The following GCFC2 variants were observed in gnomAD, a reference collection of about 807,000 sequenced individuals.
The protein encoded by GCFC2 is intron Large complex component GCFC2.
In GCFC2, 102 loss-of-function variants were observed where a neutral mutation model predicts 99.4. The ratio of observed to expected loss-of-function variants is 1.03; its 90% confidence interval spans 0.87 to 1.21. The LOEUF is 1.21. Among genes scored for constraint, GCFC2 ranks in the 50% most tolerant of loss-of-function variants. The probability of loss-of-function intolerance (pLI) is 0.00; values close to 1 mark genes in which losing one functional copy is unlikely to be tolerated. For synonymous variants in GCFC2, 338 were observed against 316.8 expected, an observed-to-expected ratio of 1.07 and a Z score of -0.71; for missense variants, 973 against 920.9, an observed-to-expected ratio of 1.06 and a Z score of -0.73.
chr2:75,690,595 T>C lies in GCFC2; in HGVS notation c.1226+43A>G, dbSNP rs560953925. The C allele has an allele frequency of 1.9e-4, 169 of 868,926 alleles. 2 individuals are homozygous for C. The South Asian group carries it at 2.0e-3, about 10-fold the overall frequency. 53.8% of individuals were successfully genotyped at this position (868,926 alleles called of 1,614,324 possible). On this transcript the variant is annotated intron_variant, in intron 8 of 16. Coordinates refer to ENST00000321027, the MANE Select transcript of GCFC2 (RefSeq NM_003203.5). ...TTATATTTCAGTAGTGAAAAGTACT[T>C]GCTCAATGATGCTTTCTTTAAATCT...
At chr2:75,667,695 G>A (rs984651171) in intron 15 of GCFC2, among the ~76,000 whole-genome samples, 4 of 152,136 alleles carry the variant, frequency 2.6e-5, no homozygotes, top group Admixed American at 2.6e-4. Context: ...ATTTAACCAT[G>A]TAGCTTTTGC....
intron 1 of GCFC2, among the ~76,000 whole-genome samples, 169 bp from the exon 2 acceptor site, chr2:75,706,820 T>TGATC (rs1680891940): frequency 6.6e-6 from 1 of 152,142 alleles, no homozygotes. Context: ...AGCAACTGAA[T>TGATC]GATCTACTAA....
chr2:75,710,507 C>T (rs994992536), intron 1 of GCFC2, 84 bp downstream of exon 1: 2 of 1,402,424 alleles, frequency 1.4e-6, no homozygotes, highest in Non-Finnish European at 1.8e-6. Flanking sequence ...AGTTATAGAA[C>T]CCCCAGAGAA....
chr2:75,688,953 C>A (rs760990202), intron 10 of GCFC2, 73 bp downstream of exon 10: 33 of 826,518 alleles, frequency 4.0e-5, no homozygotes, highest in Non-Finnish European at 5.6e-5. Flanking sequence ...GTATTTAATG[C>A]CTAACACAAT....
chr2:75,710,555 C>G (rs1275495382), intron 1 of GCFC2, 36 bp downstream of exon 1: 2 of 1,470,862 alleles, frequency 1.4e-6, no homozygotes, highest in Admixed American at 2.3e-5. Flanking sequence ...CGCCCTGTGC[C>G]GTCACCTCCC....
At chr2:75,683,771 C>CAAAAAAAAAAAAAAAAAAAAAGGAAAAAA (rs1679688311) in intron 11 of GCFC2, among the ~76,000 whole-genome samples, 1 of 60,422 alleles carries the variant, frequency 1.7e-5, no homozygotes, top group East Asian at 5.7e-4. Context: ...AAATGGAAAG[C>CAAAAAAAAAAAAAAAAAAAAAGGAAAAAA]AAAAAAAAAA....
At chr2:75,678,645 C>T (rs947852783) in intron 12 of GCFC2, among the ~76,000 whole-genome samples, 3 of 152,186 alleles carry the variant, frequency 2.0e-5, no homozygotes, top group Admixed American at 6.5e-5. Flanking sequence ...GTGAGGCAAA[C>T]TTGGGCTTTA....
At chr2:75,712,655 C>T (rs112846031), upstream of GCFC2, among the ~76,000 whole-genome samples, 29,093 of 152,014 alleles carry the variant, frequency 0.19, 3,471 homozygotes, top group South Asian at 0.26. Flanking sequence ...TTTGGGTCCA[C>T]GTGGCTTTTA....
intron 2 of GCFC2, among the ~76,000 whole-genome samples, chr2:75,703,200 C>A (rs1398735745): frequency 6.6e-6 from 1 of 152,058 alleles, no homozygotes; most frequent in Non-Finnish European, 1.5e-5. Context: ...CTGGAAAAAA[C>A]GGTTTCTTAA....
chr2:75,694,882 T>C (rs1680236461), intron 5 of GCFC2, among the ~76,000 whole-genome samples: 1 of 152,108 alleles, frequency 6.6e-6, no homozygotes, highest in African/African-American at 2.4e-5. Context: ...GATATACATA[T>C]AGACCACTTC....
intron 15 of GCFC2, among the ~76,000 whole-genome samples, chr2:75,666,743 A>G (rs1041878526): frequency 2.0e-5 from 3 of 152,100 alleles, no homozygotes; most frequent in Non-Finnish European, 4.4e-5. Flanking sequence ...TCATAGCAGA[A>G]ACAAGGGTAA....
At position 75,677,806 on chromosome 2, in the gene GCFC2, G is replaced by C. The variant is rs34733670; in HGVS notation, c.1812+2387C>G. ...ATCCTGGCTAATACAGTGAAACCCC[G>C]TCTCTACTAAAAGCACACAAAATTA... On this transcript the variant is annotated intron_variant, in intron 12 of 16. Transcript: ENST00000321027. Among the ~76,000 whole-genome samples, 315 of 151,884 alleles carry C rather than the reference G, an allele frequency of 2.1e-3. 1 individual carries two copies. Among genetic ancestry groups the C allele is most frequent in the African/African-American group, 7.3e-3 (303 of 41,410 alleles).
In GCFC2 at chr2:75,688,821, T is replaced by A. The variant is rs80239898; in HGVS notation, c.1539+205A>T. 6.2e-3 allele frequency among the ~76,000 whole-genome samples: 938 copies of A among 152,264 alleles called. 9 individuals are homozygous for A. Among genetic ancestry groups the A allele is most frequent in the Non-Finnish European group, 0.01 (705 of 68,006 alleles). ...AAAAAAAATGTGTTTGCTTTACTGATGTTAATGATGCTTAGCCTAAAAATC... is the reference window on the plus strand; with the variant it reads ...AAAAAAAATGTGTTTGCTTTACTGAAGTTAATGATGCTTAGCCTAAAAATC... On this transcript the variant is annotated intron_variant, in intron 10 of 16. Coordinates refer to ENST00000321027, the MANE Select transcript of GCFC2 (RefSeq NM_003203.5).
At chr2:75,705,117 T>C (rs1680782399) in intron 2 of GCFC2, among the ~76,000 whole-genome samples, 1 of 152,236 alleles carries the variant, frequency 6.6e-6, no homozygotes, top group African/African-American at 2.4e-5. Flanking sequence ...GGCTACCATA[T>C]GGACAGTGAA....
rs1681115672 is a variant in GCFC2 at position 75,710,664 on chromosome 2, A to T, written c.192T>A (p.Pro64=). 1.3e-6 allele frequency: 2 copies of T among 1,519,714 alleles called. No individual in the cohort carries two copies. Among genetic ancestry groups the T allele is most frequent in the Non-Finnish European group, 1.8e-6 (2 of 1,139,868 alleles). The allele number at this position is 1,519,714 out of a possible 1,614,324, so 94.1% of individuals were successfully genotyped here. ...TCGCCCAGACCCGGCCCCGGCCACGAGGGCCCCGAACCCGGTGGGGCAGTC... is the reference window on the plus strand; with the variant it reads ...TCGCCCAGACCCGGCCCCGGCCACGTGGGCCCCGAACCCGGTGGGGCAGTC... ...VAGLPHRVRG[P]RGRGRVWASS... Residue 64 remains proline (P), a synonymous_variant, in exon 1 of 17, where the codon CCT becomes CCA. Coordinates refer to ENST00000321027, the MANE Select transcript of GCFC2 (RefSeq NM_003203.5).
At chr2:75,710,394 G>C (rs1681092278) in intron 1 of GCFC2, 197 bp downstream of exon 1, 1 of 1,296,914 alleles carries the variant, frequency 7.7e-7, no homozygotes, top group South Asian at 1.8e-5. Flanking sequence ...GAGTCCAAAA[G>C]GCAGATGCAG....
chr2:75,704,767 C>T (rs1305017535), intron 2 of GCFC2, among the ~76,000 whole-genome samples: 2 of 152,206 alleles, frequency 1.3e-5, no homozygotes, highest in African/African-American at 4.8e-5. Flanking sequence ...TCACTGCAAC[C>T]TCTGCCTCCC....
rs1279669781 is a variant in GCFC2, at chr2:75,664,131, TCA to T, written c.*533_*534del. The T allele has an allele frequency of 4.6e-5, 7 of 152,354 alleles. No individual in the cohort carries two copies. The East Asian group carries it at 1.4e-3, about 29-fold the overall frequency. The allele number at this position is 152,354 out of a possible 1,614,324, so 9.4% of individuals were successfully genotyped here. ...GATAATAACTACTGCTGGTAGGGAT[TCA>T]TTGGCACTCACTTATGCTTATGTTG... On this transcript the variant is annotated 3_prime_UTR_variant, in exon 17 of 17. Coordinates refer to ENST00000321027, the MANE Select transcript of GCFC2 (RefSeq NM_003203.5).
At chr2:75,706,391 T>C (rs1014843515) in intron 2 of GCFC2, 132 bp downstream of exon 2, 4 of 606,092 alleles carry the variant, frequency 6.6e-6, no homozygotes, top group South Asian at 6.5e-5. Flanking sequence ...ATGAGCAATT[T>C]TGGCACTCTG....
Sources: gnomAD v4.1 joint callset for allele counts (sites outside exome capture counted in the v4.1 genomes callset) on GRCh38, gnomAD v4.1.1 for gene constraint, MANE v1.5 for transcripts, NCBI Gene and HGNC (gene_info 2026-07-23, HGNC 2026-07-21) for gene names.